Variants in NSD1 observed in about 807,000 individuals in gnomAD.
NSD1 encodes the protein histone-lysine N-methyltransferase, H3 lysine-36 specific.
A neutral mutation model predicts 242.7 loss-of-function variants in NSD1; 26 were observed. The ratio of observed to expected loss-of-function variants is 0.11; its 90% CI spans 0.08 to 0.15. NSD1 has a LOEUF of 0.15. Ranked by LOEUF, NSD1 falls within the 10% of genes least tolerant of loss-of-function variation. NSD1 has a pLI of 1.00. For synonymous variants in NSD1, 1,106 were observed against 1,178.1 expected (o/e 0.94, Z 1.25); for missense variants, 2,495 against 3,272.8 (o/e 0.76, Z 5.80).
chr5:177,218,140 T>G (rs1456316767), intron 5 of NSD1, among the ~76,000 whole-genome samples: 2 of 152,140 alleles, frequency 1.3e-5, no homozygotes, highest in African/African-American at 4.8e-5. Context: ...CTAAAACTTC[T>G]GAGCTCAAGT....
chr5:177,180,714 G>T (rs34206836), intron 2 of NSD1, among the ~76,000 whole-genome samples: 3 of 151,254 alleles, frequency 2.0e-5, no homozygotes, highest in Admixed American at 6.6e-5. Flanking sequence ...ATGGAGTCTC[G>T]CTCTGTTGCC....
intron 3 of NSD1, 77 bp downstream of exon 3, chr5:177,192,096 T>C (rs1562180878): frequency 4.7e-6 from 6 of 1,273,986 alleles, no homozygotes; most frequent in Non-Finnish European, 5.4e-6. Context: ...TTAATAATAA[T>C]ATATTTTTTT....
intron 20 of NSD1, among the ~76,000 whole-genome samples, chr5:177,288,190 T>C (rs1005403879): frequency 1.3e-5 from 2 of 152,244 alleles, no homozygotes; most frequent in South Asian, 2.1e-4. Flanking sequence ...AAGAGGACAG[T>C]TTGCCTGTTA....
chr5:177,219,388 T>C (rs988767409), intron 5 of NSD1, among the ~76,000 whole-genome samples: 2 of 152,046 alleles, frequency 1.3e-5, no homozygotes, highest in African/African-American at 4.8e-5. Context: ...GGTTTCACTG[T>C]GTTAGCCAGG....
In NSD1 at chr5:177,241,584, A is replaced by G. The variant is rs547738534; in HGVS notation, c.4302+1719A>G. 4.6e-5 allele frequency among the ~76,000 whole-genome samples: 7 copies of G among 152,206 alleles called. No individual in the cohort carries two copies. In the East Asian group the frequency reaches 1.2e-3, roughly 25 times the overall value. On this transcript the variant is annotated intron_variant, in intron 8 of 22. Coordinates refer to ENST00000439151, the MANE Select transcript of NSD1 (RefSeq NM_022455.5). ...GATTCCCAGTATCTTTTAAGTATTA[A>G]TTATACTTAATAACTCTTCGTCACG...
At position 177,244,226 on chromosome 5, in the gene NSD1, T is replaced by C. The variant is rs1159657239; in HGVS notation, c.4334T>C (p.Ile1445Thr). The C allele has an allele frequency of 6.2e-7, 1 of 1,613,728 alleles. No individual in the cohort carries two copies. The highest frequency in any genetic ancestry group is 8.5e-7 in the Non-Finnish European group (1 of 1,179,782). ...GAAGCTGGTCACCTGGAGAATGGCA[T>C]AACTGAATCTTGTGCCACATCTTAT... ...CYEAGHLENGITESCATSYSK... is the reference protein window; with the variant it reads ...CYEAGHLENGTTESCATSYSK... Residue 1445 changes from isoleucine to threonine, a missense_variant, in exon 9 of 23, where the codon ATA becomes ACA. Coordinates refer to ENST00000439151, the MANE Select transcript of NSD1 (RefSeq NM_022455.5).
intron 4 of NSD1, 89 bp downstream of exon 4, chr5:177,204,381 C>T: frequency 7.9e-7 from 1 of 1,264,096 alleles, no homozygotes; most frequent in Non-Finnish European, 1.1e-6. Flanking sequence ...CGAGACAGAA[C>T]TTTGCTCTGT....
chr5:177,145,630 A>G (rs957540169), intron 2 of NSD1, among the ~76,000 whole-genome samples: 3 of 152,106 alleles, frequency 2.0e-5, no homozygotes, highest in African/African-American at 7.2e-5. Flanking sequence ...TTCCATGGCC[A>G]GGCTGGGCGT....
At chr5:177,199,058 A>G (rs1159631668) in intron 3 of NSD1, among the ~76,000 whole-genome samples, 1 of 152,252 alleles carries the variant, frequency 6.6e-6, no homozygotes, top group South Asian at 2.1e-4. Flanking sequence ...AGCGATACAC[A>G]TTAAATAGAA....
At chr5:177,215,015 A>G (rs1220615554) in intron 5 of NSD1, among the ~76,000 whole-genome samples, 3 of 151,556 alleles carry the variant, frequency 2.0e-5, no homozygotes, top group South Asian at 2.1e-4. Context: ...ACCTTTTTTT[A>G]TGGCTGAATA....
chr5:177,226,952 G>T (rs1242471593), intron 5 of NSD1, among the ~76,000 whole-genome samples: 1 of 152,114 alleles, frequency 6.6e-6, no homozygotes, highest in Non-Finnish European at 1.5e-5. Flanking sequence ...ACAGAGTCCT[G>T]CCAAATTTAT....
chr5:177,239,951 T>C (rs1024824336), intron 8 of NSD1, 86 bp downstream of exon 8: 4 of 773,564 alleles, frequency 5.2e-6, no homozygotes, highest in East Asian at 2.7e-5. Flanking sequence ...AGTTATAACA[T>C]TGATGTACAT....
At chr5:177,175,020 C>A (rs537226614) in intron 2 of NSD1, among the ~76,000 whole-genome samples, 1 of 151,658 alleles carries the variant, frequency 6.6e-6, no homozygotes, top group East Asian at 1.9e-4. Flanking sequence ...TACAGGCACC[C>A]GCCACCACGC....
rs983332896 is a variant in NSD1, at chr5:177,196,287, T to C, written c.1063+4268T>C. 6.6e-5 allele frequency among the ~76,000 whole-genome samples: 10 copies of C among 152,226 alleles called. No homozygotes were observed. The East Asian group carries it at 9.6e-4, about 15-fold the overall frequency. On this transcript the variant is annotated intron_variant, in intron 3 of 22. Transcript: ENST00000439151. ...ACAATGTATATAATTAAAAAGTGTT[T>C]AGCAGGAGCCGCCATGCTCTGATCT...
intron 2 of NSD1, among the ~76,000 whole-genome samples, chr5:177,165,629 G>A (rs909788865): frequency 6.6e-6 from 1 of 151,966 alleles, no homozygotes; most frequent in East Asian, 1.9e-4. Context: ...GTCTTACTCT[G>A]TTGCCCAGGC....
intron 3 of NSD1, among the ~76,000 whole-genome samples, chr5:177,198,898 C>G (rs1762300062): frequency 6.6e-6 from 1 of 152,196 alleles, no homozygotes; most frequent in South Asian, 2.1e-4. Flanking sequence ...CTTTAGCTTC[C>G]TCTGTCTCCA....
intron 2 of NSD1, among the ~76,000 whole-genome samples, chr5:177,150,766 G>A (rs1473963467): frequency 6.6e-6 from 1 of 152,058 alleles, no homozygotes; most frequent in East Asian, 1.9e-4. Flanking sequence ...AAATTATGAG[G>A]CTATATTTCC....
At chr5:177,287,366 C>T (rs116072579) in intron 20 of NSD1, among the ~76,000 whole-genome samples, 2,798 of 152,300 alleles carry the variant, frequency 0.018, 33 homozygotes, top group Non-Finnish European at 0.028. Flanking sequence ...TGGGGCTGGG[C>T]GCAGTGGCTC....
In NSD1 at chr5:177,204,259, A is replaced by C; in HGVS notation, c.1203A>C (p.Arg401Ser). 1 of 1,614,152 alleles carries C rather than the reference A, an allele frequency of 6.2e-7. No individual in the cohort carries two copies. Among genetic ancestry groups the C allele is most frequent in the Non-Finnish European group, 8.5e-7 (1 of 1,179,982 alleles). Residue 401 changes from arginine to serine, a missense_variant, in exon 4 of 23, where the codon AGA (arginine) becomes AGC (serine). Physicochemically the swap from Arg to Ser is moderately radical, Grantham distance 110 (BLOSUM62 -1). Around this residue, in one of 19 missense-constraint regions of NSD1, gnomAD observed 65 missense variants for 136.2 expected, o/e 0.48. Coordinates refer to ENST00000439151, the MANE Select transcript of NSD1 (RefSeq NM_022455.5). ...QFEELPVLRR[R>S]GKQKEKGYRH... ...AAGAGCTACCTGTCCTTAGGAGAAG[A>C]GGGAAACAGAAAGAAAAAGGATATA... is the stretch of plus-strand genomic sequence containing the variant.
Sources: allele counts gnomAD v4.1 joint callset (sites outside exome capture counted in the v4.1 genomes callset), GRCh38; gene constraint gnomAD v4.1.1; regional missense constraint gnomAD v4.1.1; transcripts MANE v1.5; gene names NCBI Gene and HGNC (gene_info 2026-07-23, HGNC 2026-07-21).